Variants in EFNA5 observed in about 807,000 individuals in gnomAD.
EFNA5 encodes the protein ephrin A5, also known as ephrin-A5.
In EFNA5, 5 loss-of-function variants were observed where a neutral mutation model predicts 22.9. The observed-to-expected ratio is 0.22, with a 90% CI of 0.11 to 0.46. The LOEUF is 0.46. Among genes scored for constraint, EFNA5 ranks in the 20% least tolerant of loss-of-function variants. The pLI is 0.99. For missense variants in EFNA5, 237 were observed against 293.3 expected (o/e 0.81, Z 1.40); for synonymous variants, 113 against 112.2 (o/e 1.01, Z -0.04).
At chr5:107,532,502 T>C (rs998157239) in intron 1 of EFNA5, among the ~76,000 whole-genome samples, 1 of 152,182 alleles carries the variant, frequency 6.6e-6, no homozygotes, top group Non-Finnish European at 1.5e-5. Flanking sequence ...GTTAAATGAG[T>C]AGTGGCAAGA....
Position 107,520,314 on chromosome 5 carries a change from G to A in EFNA5, c.126-92805C>T, listed in dbSNP as rs140104160. Among the ~76,000 whole-genome samples the A allele has an allele frequency of 2.2e-3, 332 of 152,130 alleles. 2 individuals carry two copies. The highest frequency in any genetic ancestry group is 7.5e-3 in the African/African-American group (312 of 41,508). On this transcript the variant is annotated intron_variant, in intron 1 of 4. Coordinates refer to ENST00000333274, the MANE Select transcript of EFNA5 (RefSeq NM_001962.3). ...AATCAATAAGAGTGAGAAAAGGGTG[G>A]GGCCCTTCACTCTCAATACAATAAA...
At chr5:107,409,883 C>T (rs1271921085) in intron 2 of EFNA5, among the ~76,000 whole-genome samples, 6 of 152,128 alleles carry the variant, frequency 3.9e-5, no homozygotes, top group African/African-American at 1.4e-4. Context: ...CTGGTCTACT[C>T]ATCAAATCTA....
In EFNA5 at chr5:107,518,581, CA is replaced by C. The variant is rs11376049; in HGVS notation, c.126-91073del. On this transcript the variant is annotated intron_variant, in intron 1 of 4. Transcript: ENST00000333274. Reference sequence around the variant, plus strand: ...ATTGGGAAGCCGAGGTACACCATGCCAAAAAAAAAAATACCTAAAAATTCTC... The same window carrying C: ...ATTGGGAAGCCGAGGTACACCATGCCAAAAAAAAAATACCTAAAAATTCTC... Among the ~76,000 whole-genome samples, 241 of 147,444 alleles carry C rather than the reference CA, an allele frequency of 1.6e-3. 3 individuals are homozygous for C. The Middle Eastern group carries it at 0.017, about 11-fold the overall frequency.
At chr5:107,439,409 T>G (rs1171110428) in intron 1 of EFNA5, among the ~76,000 whole-genome samples, 1 of 152,220 alleles carries the variant, frequency 6.6e-6, no homozygotes, top group Non-Finnish European at 1.5e-5. Flanking sequence ...CAGACTAATA[T>G]GAGCAGTTTA....
rs111746775 is a variant in EFNA5, at chr5:107,380,541, C to T, written c.*714G>A. 5.7e-5 allele frequency: 20 copies of T among 348,306 alleles called. No individual in the cohort carries two copies. The highest frequency in any genetic ancestry group is 8.7e-5 in the Non-Finnish European group (17 of 195,790). The allele number at this position is 348,306 out of a possible 1,614,324, so 21.6% of individuals were successfully genotyped here. On this transcript the variant is annotated 3_prime_UTR_variant, in exon 5 of 5. Transcript: ENST00000333274. Reference sequence around the variant, plus strand: ...CCTGTAGTTTTCTCTGTTTTCACACCTGCTCTGTATTAGCATTCCACACCC... The same window carrying T: ...CCTGTAGTTTTCTCTGTTTTCACACTTGCTCTGTATTAGCATTCCACACCC...
chr5:107,476,739 C>G (rs1451667532), intron 1 of EFNA5, among the ~76,000 whole-genome samples: 1 of 146,364 alleles, frequency 6.8e-6, no homozygotes, highest in Non-Finnish European at 1.5e-5. Context: ...TTCTCTTTCT[C>G]TCTCTCTCTC....
intron 1 of EFNA5, among the ~76,000 whole-genome samples, chr5:107,455,149 C>T (rs1463171750): frequency 6.6e-6 from 1 of 152,166 alleles, no homozygotes; most frequent in Non-Finnish European, 1.5e-5. Context: ...TGGTCCCTGT[C>T]AGTGTCAACG....
chr5:107,568,991 C>T (rs1243084471), intron 1 of EFNA5, among the ~76,000 whole-genome samples: 2 of 152,114 alleles, frequency 1.3e-5, no homozygotes, highest in East Asian at 1.9e-4. Context: ...TAGTTCCTCC[C>T]ACCTTGGTTC....
intron 1 of EFNA5, among the ~76,000 whole-genome samples, chr5:107,483,574 G>A (rs1750542929): frequency 6.6e-6 from 1 of 152,170 alleles, no homozygotes; most frequent in African/African-American, 2.4e-5. Context: ...GAGAACTCCT[G>A]ACCTAAAGCC....
At chr5:107,388,347 A>G (rs1747693863) in intron 2 of EFNA5, 1 of 152,430 alleles carries the variant, frequency 6.6e-6, no homozygotes, top group African/African-American at 2.4e-5. Context: ...TGCATTCTAT[A>G]TGACTAACCC....
At chr5:107,545,103 A>G (rs1364615066) in intron 1 of EFNA5, among the ~76,000 whole-genome samples, 1 of 152,238 alleles carries the variant, frequency 6.6e-6, no homozygotes, top group East Asian at 1.9e-4. Context: ...AGCCCTGTCT[A>G]TATCTCAGCT....
rs867454946 is a variant in EFNA5, at chr5:107,594,593, T to C, written c.125+75896A>G. Among the ~76,000 whole-genome samples, 9 of 152,346 alleles carry C rather than the reference T, an allele frequency of 5.9e-5. No individual in the cohort carries two copies. The South Asian group carries it at 1.4e-3, about 25-fold the overall frequency. ...TAAAGCAAAACCCAAGTTAATAGAA[T>C]GTTCCAGTAATCCCCTATCATCAAA... On this transcript the variant is annotated intron_variant, in intron 1 of 4. Coordinates refer to ENST00000333274, the MANE Select transcript of EFNA5 (RefSeq NM_001962.3).
intron 1 of EFNA5, among the ~76,000 whole-genome samples, chr5:107,637,886 G>A (rs570150084): frequency 4.0e-5 from 6 of 150,970 alleles, no homozygotes; most frequent in East Asian, 1.9e-4. Flanking sequence ...TCACTCTGTC[G>A]CCCAGGCTGG....
chr5:107,537,383 G>A (rs748652810), intron 1 of EFNA5, among the ~76,000 whole-genome samples: 1 of 151,506 alleles, frequency 6.6e-6, no homozygotes, highest in Non-Finnish European at 1.5e-5. Context: ...GGCAGATCAC[G>A]AGGTCAGGAG....
rs1370382018 is a variant in EFNA5, at chr5:107,381,221, T to C, written c.*34A>G. 6.3e-7 allele frequency: 1 copy of C among 1,598,698 alleles called. No individual in the cohort carries two copies. The highest frequency in any genetic ancestry group is 2.3e-5 in the East Asian group (1 of 44,438). On this transcript the variant is annotated 3_prime_UTR_variant, in exon 5 of 5. Coordinates refer to ENST00000333274, the MANE Select transcript of EFNA5 (RefSeq NM_001962.3). ...GATCTCTGGTGTTCCAAGACCCTGA[T>C]GTTTTCTGTGACAAGTGATGGGAGG...
chr5:107,383,261 T>C (rs957262333), intron 4 of EFNA5, among the ~76,000 whole-genome samples: 1 of 152,168 alleles, frequency 6.6e-6, no homozygotes, highest in Non-Finnish European at 1.5e-5. Flanking sequence ...CTTAGGAGAC[T>C]AGAAAAGGTT....
At chr5:107,538,959 C>T (rs1747987788) in intron 1 of EFNA5, among the ~76,000 whole-genome samples, 1 of 152,198 alleles carries the variant, frequency 6.6e-6, no homozygotes, top group African/African-American at 2.4e-5. Flanking sequence ...CAATTAACAA[C>T]TGCACACATG....
chr5:107,664,324 A>G (rs924491650), intron 1 of EFNA5, among the ~76,000 whole-genome samples: 1 of 144,116 alleles, frequency 6.9e-6, no homozygotes, highest in Non-Finnish European at 1.5e-5. Context: ...GTCCTGTGTC[A>G]TTGTGCTCCT....
intron 4 of EFNA5, among the ~76,000 whole-genome samples, chr5:107,381,961 T>C (rs1747474442): frequency 6.6e-6 from 1 of 152,214 alleles, no homozygotes; most frequent in African/African-American, 2.4e-5. Context: ...AATAAACGTA[T>C]GCCCACTAGT....
Sources: allele counts gnomAD v4.1 joint callset (sites outside exome capture counted in the v4.1 genomes callset), GRCh38; gene constraint gnomAD v4.1.1; transcripts MANE v1.5; gene names NCBI Gene and HGNC (gene_info 2026-07-23, HGNC 2026-07-21).